CASTOR2: variants seen among roughly 807,000 people sequenced by gnomAD.
CASTOR2 encodes the protein GATS protein like 2.
In CASTOR2, 8 loss-of-function variants were observed where a neutral mutation model predicts 31.2. The observed-to-expected ratio is 0.26, with a 90% CI of 0.15 to 0.46. The LOEUF is 0.46. CASTOR2 is among the 20% of genes least tolerant of loss of function. The pLI is 0.99. For synonymous variants in CASTOR2, 162 were observed against 158.7 expected (o/e 1.02, Z -0.16); for missense variants, 216 against 382.1 (o/e 0.57, Z 3.62).
chr7:74,977,026 A>G (rs1411462913), intron 1 of CASTOR2, among the ~76,000 whole-genome samples: 5 of 150,888 alleles, frequency 3.3e-5, no homozygotes, highest in Non-Finnish European at 5.9e-5. Flanking sequence ...CTCTACCAAA[A>G]ATACAAAAAT....
At chr7:75,009,554 C>T (rs1451074746) in intron 2 of CASTOR2, among the ~76,000 whole-genome samples, 3 of 152,004 alleles carry the variant, frequency 2.0e-5, no homozygotes, top group Non-Finnish European at 4.4e-5. Context: ...AGGCGTGAGC[C>T]ACCGCGCCCG....
intron 2 of CASTOR2, among the ~76,000 whole-genome samples, chr7:75,011,093 C>T (rs1372374803): frequency 1.3e-5 from 2 of 151,944 alleles, no homozygotes; most frequent in African/African-American, 4.8e-5. Flanking sequence ...CTCCTGAACT[C>T]AAGTGATCCA....
chr7:75,031,438 A>G lies in CASTOR2; in HGVS notation c.*6739A>G, dbSNP rs1290723965. ...AAAACCCTCGAGATTCATGTACTGT[A>G]TGTTGGAGAAAAAAAATTACCTAAT... On this transcript the variant is annotated 3_prime_UTR_variant, in exon 9 of 9. Transcript: ENST00000616305. Among the ~76,000 whole-genome samples the G allele has an allele frequency of 1.3e-5, 2 of 151,836 alleles. No homozygotes were observed. The highest frequency in any genetic ancestry group is 3.9e-4 in the East Asian group (2 of 5,152).
Position 75,029,766 on chromosome 7 carries a change from T to C in CASTOR2, c.*5067T>C, listed in dbSNP as rs960534860. Among the ~76,000 whole-genome samples, 98 of 152,220 alleles carry C rather than the reference T, an allele frequency of 6.4e-4. No homozygotes were observed. The highest frequency in any genetic ancestry group is 5.1e-4 in the Non-Finnish European group (35 of 68,002). ...GCATTGGAGACATTGGTTAGTGTAA[T>C]AGGCAGAGCCTGAGTGAGGCCGGGG... On this transcript the variant is annotated 3_prime_UTR_variant, in exon 9 of 9. Coordinates refer to ENST00000616305, the MANE Select transcript of CASTOR2 (RefSeq NM_001145064.3).
intron 1 of CASTOR2, among the ~76,000 whole-genome samples, chr7:74,997,713 C>T (rs2131937119): frequency 6.6e-6 from 1 of 152,088 alleles, no homozygotes; most frequent in East Asian, 1.9e-4. Context: ...AGGCATGAAC[C>T]ACTGTGCCTG....
chr7:74,996,746 G>T (rs868939338), intron 1 of CASTOR2, among the ~76,000 whole-genome samples: 64,559 of 72,602 alleles, frequency 0.89, 28,340 homozygotes, highest in East Asian at 0.97. Context: ...TTTTTTTTTT[G>T]GAGACAGAAT....
chr7:75,004,180 T>G (rs1804559213), intron 1 of CASTOR2, among the ~76,000 whole-genome samples: 1 of 152,162 alleles, frequency 6.6e-6, no homozygotes, highest in Non-Finnish European at 1.5e-5. Context: ...GGGCTCTTTC[T>G]GAGTTCCTGG....
chr7:75,026,489 C>T lies in CASTOR2; in HGVS notation c.*1790C>T, dbSNP rs927263595. 2.0e-5 allele frequency among the ~76,000 whole-genome samples: 3 copies of T among 152,150 alleles called. No individual in the cohort carries two copies. Among genetic ancestry groups the T allele is most frequent in the Admixed American group, 6.5e-5 (1 of 15,268 alleles). On this transcript the variant is annotated 3_prime_UTR_variant, in exon 9 of 9. Coordinates refer to ENST00000616305, the MANE Select transcript of CASTOR2 (RefSeq NM_001145064.3). ...ACAGGCGTGAGCCACCACACCCAGC[C>T]GAGTTGTGCTGTTTCTGTGGTCAGA...
At chr7:75,012,627 T>A (rs1435803207) in intron 2 of CASTOR2, among the ~76,000 whole-genome samples, 1 of 150,452 alleles carries the variant, frequency 6.6e-6, no homozygotes, top group African/African-American at 2.5e-5. Context: ...TTTTTGGGAT[T>A]TTTTGTTTTT....
intron 2 of CASTOR2, among the ~76,000 whole-genome samples, chr7:75,009,101 T>C (rs1317603897): frequency 7.8e-5 from 11 of 140,950 alleles, no homozygotes; most frequent in East Asian, 4.5e-4. Flanking sequence ...GGATTACAGG[T>C]GCCCGCCGCC....
intron 1 of CASTOR2, 100 bp from the exon 2 acceptor site, chr7:75,007,894 C>G (rs1283855885): frequency 1.3e-6 from 2 of 1,576,446 alleles, no homozygotes; most frequent in African/African-American, 1.3e-5. Context: ...GGCCGGAACT[C>G]TGGGTGAACT....
chr7:74,985,182 A>C (rs1804033489), intron 1 of CASTOR2, among the ~76,000 whole-genome samples: 1 of 152,014 alleles, frequency 6.6e-6, no homozygotes, highest in African/African-American at 2.4e-5. Context: ...CTCTCTATGC[A>C]GGGTGGGCCA....
chr7:75,001,090 T>G (rs1804484425), intron 1 of CASTOR2, among the ~76,000 whole-genome samples: 2 of 152,076 alleles, frequency 1.3e-5, no homozygotes, highest in African/African-American at 2.4e-5. Context: ...TTATTTTATT[T>G]TTTTAAGACA....
At chr7:74,998,428 AC>A (rs1554438120) in intron 1 of CASTOR2, among the ~76,000 whole-genome samples, 1 of 151,998 alleles carries the variant, frequency 6.6e-6, no homozygotes, top group African/African-American at 2.4e-5. Context: ...ACATGGCGAA[AC>A]CCCATCTCTA....
chr7:75,019,926 C>T, intron 5 of CASTOR2, 113 bp from the exon 6 acceptor site: 3 of 909,408 alleles, frequency 3.3e-6, no homozygotes, highest in South Asian at 1.7e-5. Context: ...GACACTGGCC[C>T]AGGGTCACCC....
At chr7:75,005,081 G>A (rs1253394997) in intron 1 of CASTOR2, among the ~76,000 whole-genome samples, 2 of 151,838 alleles carry the variant, frequency 1.3e-5, no homozygotes, top group African/African-American at 4.8e-5. Context: ...TGGCCAGGCT[G>A]GTCTCGAACT....
At chr7:74,996,789 C>T (rs1360697007) in intron 1 of CASTOR2, among the ~76,000 whole-genome samples, 149 of 113,466 alleles carry the variant, frequency 1.3e-3, no homozygotes, top group African/African-American at 4.8e-3. Context: ...AGTGCAGTGG[C>T]GCGATCTCGG....
chr7:74,989,251 A>T (rs1249456456), intron 1 of CASTOR2, among the ~76,000 whole-genome samples: 1 of 134,860 alleles, frequency 7.4e-6, no homozygotes, highest in Non-Finnish European at 1.6e-5. Flanking sequence ...GGCGTGAGCC[A>T]CCACGCCTGG....
chr7:75,021,114 C>T (rs1318665395), intron 6 of CASTOR2, among the ~76,000 whole-genome samples: 3 of 152,192 alleles, frequency 2.0e-5, no homozygotes, highest in Non-Finnish European at 2.9e-5. Flanking sequence ...GCCTCAGCCT[C>T]CCGAGTAGCT....
Sources: allele counts gnomAD v4.1 joint callset (sites outside exome capture counted in the v4.1 genomes callset), GRCh38; gene constraint gnomAD v4.1.1; transcripts MANE v1.5; gene names NCBI Gene and HGNC (gene_info 2026-07-23, HGNC 2026-07-21).